MEGF6: variants seen among roughly 807,000 people sequenced by gnomAD.
MEGF6 encodes the protein multiple EGF like domains 6.
Under a neutral mutation model 207.1 loss-of-function variants are expected in MEGF6, and 184 were observed. The ratio of observed to expected loss-of-function variants is 0.89; its 90% CI spans 0.79 to 1.00. The LOEUF is 1.00. Among genes scored for constraint, MEGF6 ranks in the 50% least tolerant of loss-of-function variants. MEGF6 has a pLI of 0.00. For missense variants in MEGF6, 2,282 were observed against 2,202.9 expected, an observed-to-expected ratio of 1.04 and a Z score of -0.72; for synonymous variants, 1,038 against 910.0, an observed-to-expected ratio of 1.14 and a Z score of -2.53.
Position 3,488,493 on chromosome 1 carries a change from C to A in MEGF6, c.*2035G>T, listed in dbSNP as rs181910093. 3.3e-4 allele frequency among the ~76,000 whole-genome samples: 51 copies of A among 152,322 alleles called. No individual in the cohort carries two copies. In the East Asian group the frequency reaches 7.5e-3, roughly 22 times the overall value. On this transcript the variant is annotated 3_prime_UTR_variant, in exon 37 of 37. Coordinates refer to ENST00000356575, the MANE Select transcript of MEGF6 (RefSeq NM_001409.4). ...TGTGGTGACTGAATATCTCAGAGCA[C>A]CCTCCTGGCTTCTTTCTCTTCTGGC...
In MEGF6 at chr1:3,499,175, G is replaced by A. The variant is rs755745424; in HGVS notation, c.3057C>T (p.His1019=). 2.5e-6 allele frequency: 4 copies of A among 1,604,426 alleles called. No individual in the cohort carries two copies. Among genetic ancestry groups the A allele is most frequent in the African/African-American group, 2.7e-5 (2 of 74,816 alleles). ...ASCDPVHGQC[H]CAPGWMGPSC... The stretch of plus-strand genomic sequence containing the variant: ...AGGGCCCCATCCAGCCAGGGGCACA[G>A]TGGCACTGCCCGTGGACAGGGTCAC... The change falls in exon 24 of 37, where the codon CAC becomes CAT. Residue 1019 remains histidine (H), a synonymous_variant. Coordinates refer to ENST00000356575, the MANE Select transcript of MEGF6 (RefSeq NM_001409.4).
intron 9 of MEGF6, 47 bp downstream of exon 9, chr1:3,511,503 G>A (rs201873242): frequency 5.8e-5 from 91 of 1,562,890 alleles, no homozygotes; most frequent in South Asian, 4.4e-4. Context: ...GGGCAGCAGC[G>A]GGTCCCTGGA....
At chr1:3,601,109 G>C (rs1303271484) in intron 2 of MEGF6, among the ~76,000 whole-genome samples, 2 of 152,212 alleles carry the variant, frequency 1.3e-5, no homozygotes, top group Admixed American at 1.3e-4. Context: ...CGGCACATCG[G>C]CAATGCTGCT....
intron 16 of MEGF6, 21 bp from the exon 17 acceptor site, chr1:3,505,363 G>T (rs1364418703): frequency 6.2e-7 from 1 of 1,608,244 alleles, no homozygotes; most frequent in East Asian, 2.2e-5. Flanking sequence ...TGAGAGAGGG[G>T]TGGGTGGGGT....
chr1:3,611,392 C>T lies in MEGF6; in HGVS notation c.-124G>A, dbSNP rs1029860653. 47 of 1,275,650 alleles carry T rather than the reference C, an allele frequency of 3.7e-5. No homozygotes were observed. In the African/African-American group the frequency reaches 5.8e-4, roughly 16 times the overall value. 79.0% of individuals were successfully genotyped at this position (1,275,650 alleles called of 1,614,324 possible). A position where few individuals can be genotyped will look rare whatever the true frequency, so the allele number is the denominator to read the frequency against. ...GTGCCCGCGCCCGCTCCGCGGAGCC[C>T]AAGGTCGCTGCAGGTGCGGAGCGTC... On this transcript the variant is annotated 5_prime_UTR_variant, in exon 1 of 37. Transcript: ENST00000356575.
chr1:3,608,046 C>T (rs1038353302), intron 1 of MEGF6, among the ~76,000 whole-genome samples: 1 of 152,112 alleles, frequency 6.6e-6, no homozygotes, highest in African/African-American at 2.4e-5. Context: ...GTTGGGGGGG[C>T]TCGCTCAGGA....
rs369941277 is a variant in MEGF6 at position 3,557,981 on chromosome 1, A to G, written c.481+21844T>C. On this transcript the variant is annotated intron_variant, in intron 4 of 36. Transcript: ENST00000356575. ...GGTCTGCTGTGTAAAGGAGCCACACAGAGCCCTCTGCATAGGAAGCATGCT... is the reference window on the plus strand; with the variant it reads ...GGTCTGCTGTGTAAAGGAGCCACACGGAGCCCTCTGCATAGGAAGCATGCT... Among the ~76,000 whole-genome samples the G allele has an allele frequency of 2.6e-5, 4 of 152,332 alleles. No homozygotes were observed. The South Asian group carries it at 6.2e-4, about 24-fold the overall frequency.
intron 2 of MEGF6, among the ~76,000 whole-genome samples, chr1:3,601,934 G>A (rs1182337795): frequency 4.6e-5 from 7 of 152,212 alleles, no homozygotes; most frequent in South Asian, 2.1e-4. Context: ...ACAGACACAC[G>A]GAAACTCTCC....
intron 3 of MEGF6, among the ~76,000 whole-genome samples, chr1:3,582,400 G>A (rs1643820805): frequency 6.6e-6 from 1 of 152,164 alleles, no homozygotes; most frequent in African/African-American, 2.4e-5. Flanking sequence ...TCCAAAGCCA[G>A]TCCAGTCGGG....
chr1:3,601,117 G>A (rs1194958795), intron 2 of MEGF6, among the ~76,000 whole-genome samples: 4 of 152,200 alleles, frequency 2.6e-5, no homozygotes, highest in Non-Finnish European at 5.9e-5. Context: ...CGGCAATGCT[G>A]CTCCCACCCT....
At chr1:3,509,351 C>A (rs868601132) in intron 11 of MEGF6, 106 bp from the exon 12 acceptor site, 3 of 995,188 alleles carry the variant, frequency 3.0e-6, no homozygotes, top group African/African-American at 1.7e-5. Flanking sequence ...GGAACCCCAC[C>A]ACCCTCCTAC....
intron 3 of MEGF6, among the ~76,000 whole-genome samples, chr1:3,583,212 G>A (rs569219305): frequency 1.4e-4 from 22 of 152,154 alleles, no homozygotes; most frequent in Non-Finnish European, 2.6e-4. Context: ...AGGTGTTCCT[G>A]GTAGACACCC....
In MEGF6 at chr1:3,501,913, C is replaced by G; in HGVS notation, c.2197G>C (p.Val733Leu). The G allele has an allele frequency of 6.2e-7, 1 of 1,600,150 alleles. No individual in the cohort carries two copies. The highest frequency in any genetic ancestry group is 8.5e-7 in the Non-Finnish European group (1 of 1,174,374). The change falls in exon 18 of 37, where the codon GTG (valine) becomes CTG (leucine). Residue 733 changes from valine to leucine, a missense_variant. Val to Leu is a conservative substitution (Grantham distance 32). Transcript: ENST00000356575. ...QGEDCGQECP[V>L]GTFGVNCSSS... ...GAGCAGTTCACGCCAAACGTCCCCA[C>G]CGGGCACTCTGCAGGAGAAAGCACG... is the stretch of plus-strand genomic sequence containing the variant.
Position 3,488,360 on chromosome 1 carries a change from G to C in MEGF6, c.*2168C>G, listed in dbSNP as rs962724616. ...TGAGCGGGATGAGTGATTGGTACCT[G>C]CCAGGCCCCCCGTCCACACCCTCAC... On this transcript the variant is annotated 3_prime_UTR_variant, in exon 37 of 37. Coordinates refer to ENST00000356575, the MANE Select transcript of MEGF6 (RefSeq NM_001409.4). 1.3e-5 allele frequency among the ~76,000 whole-genome samples: 2 copies of C among 152,176 alleles called. No homozygotes were observed. The highest frequency in any genetic ancestry group is 2.9e-5 in the Non-Finnish European group (2 of 68,030).
chr1:3,606,427 G>A (rs566375405), intron 1 of MEGF6, among the ~76,000 whole-genome samples: 1 of 152,192 alleles, frequency 6.6e-6, no homozygotes, highest in Non-Finnish European at 1.5e-5. Flanking sequence ...AAGCAGCCTG[G>A]GTTTGAATCT....
intron 3 of MEGF6, among the ~76,000 whole-genome samples, chr1:3,590,486 GA>G (rs1643958999): frequency 6.6e-6 from 1 of 152,238 alleles, no homozygotes; most frequent in Admixed American, 6.5e-5. Flanking sequence ...CCCCGGTCAT[GA>G]GGCCCCACCG....
chr1:3,552,607 T>G (rs1005799456), intron 4 of MEGF6, among the ~76,000 whole-genome samples: 1 of 152,182 alleles, frequency 6.6e-6, no homozygotes, highest in African/African-American at 2.4e-5. Context: ...GGCAGGAGGA[T>G]CGACGGCCTG....
rs1334499663 is a variant in MEGF6 at position 3,498,416 on chromosome 1, G to A, written c.3307C>T (p.Arg1103Cys). Reference sequence around the variant, plus strand: ...GTCCAGCCGGCTGGGCAGAGGCAGCGGCCCGTGTGCGGGTCACACAGGCCC... The same window carrying A: ...GTCCAGCCGGCTGGGCAGAGGCAGCAGCCCGTGTGCGGGTCACACAGGCCC... ...NGGLCDPHTG[R>C]CLCPAGWTGD... The change falls in exon 26 of 37, where the codon CGC becomes TGC. Residue 1103 changes from arginine to cysteine, a missense_variant. Arg to Cys is a radical substitution (Grantham distance 180, BLOSUM62 -3). Transcript: ENST00000356575. 9 of 1,591,418 alleles carry A rather than the reference G, an allele frequency of 5.7e-6. No individual in the cohort carries two copies. Among genetic ancestry groups the A allele is most frequent in the South Asian group, 1.1e-5 (1 of 89,266 alleles).
At chr1:3,571,113 TCTGGGGGACCAGGGGTGGCC>T (rs1375301320) in intron 4 of MEGF6, among the ~76,000 whole-genome samples, 3 of 151,336 alleles carry the variant, frequency 2.0e-5, no homozygotes, top group Admixed American at 2.0e-4. Flanking sequence ...AGAGAGAGGG[TCTGGGGGACCAGGGGTGGCC>T]CTGGGCCATC....
Sources: allele counts gnomAD v4.1 joint callset (sites outside exome capture counted in the v4.1 genomes callset), GRCh38; gene constraint gnomAD v4.1.1; transcripts MANE v1.5; gene names NCBI Gene and HGNC (gene_info 2026-07-23, HGNC 2026-07-21).